The following STK31 variants were observed in gnomAD, a reference collection of about 807,000 sequenced individuals.
The protein encoded by STK31 is serine/threonine-protein kinase 31.
In STK31, 89 loss-of-function variants were observed where a neutral mutation model predicts 129.7. The ratio of observed to expected loss-of-function variants is 0.69; its 90% CI spans 0.58 to 0.82. The LOEUF (loss-of-function observed/expected upper bound fraction) is 0.82, where lower values mean the gene tolerates loss of function less well. Ranked by LOEUF, STK31 falls within the 40% of genes least tolerant of loss-of-function variation. The pLI, the probability that STK31 is intolerant of heterozygous loss-of-function variation, is 0.00. For missense variants in STK31, 1,187 were observed against 1,176.4 expected, an observed-to-expected ratio of 1.01 and a Z score of -0.13; for synonymous variants, 448 against 395.3, an observed-to-expected ratio of 1.13 and a Z score of -1.58.
At chr7:23,734,064 C>T (rs1215734518) in intron 6 of STK31, among the ~76,000 whole-genome samples, 1 of 152,040 alleles carries the variant, frequency 6.6e-6, no homozygotes, top group Non-Finnish European at 1.5e-5. Context: ...TTCCCCACAC[C>T]CCCTATTTCT....
intron 23 of STK31, among the ~76,000 whole-genome samples, chr7:23,829,138 T>G (rs1042555624): frequency 5.3e-5 from 8 of 152,022 alleles, no homozygotes; most frequent in Non-Finnish European, 1.0e-4. Flanking sequence ...CTTGAACTCC[T>G]GACCTCACGT....
At chr7:23,784,536 A>G (rs755392028) in intron 17 of STK31, among the ~76,000 whole-genome samples, 2 of 152,162 alleles carry the variant, frequency 1.3e-5, no homozygotes, top group African/African-American at 2.4e-5. Flanking sequence ...AAATATGCTA[A>G]TCTACTTTAT....
intron 23 of STK31, among the ~76,000 whole-genome samples, chr7:23,825,312 C>A (rs934258520): frequency 1.3e-5 from 2 of 152,170 alleles, no homozygotes; most frequent in Admixed American, 1.3e-4. Context: ...CAACTTCTTC[C>A]TGGCTTAGTC....
intron 23 of STK31, among the ~76,000 whole-genome samples, chr7:23,825,777 C>T (rs1354002833): frequency 6.6e-6 from 1 of 151,922 alleles, no homozygotes; most frequent in East Asian, 1.9e-4. Context: ...TGAATGTGTC[C>T]CAGAGATTCT....
chr7:23,721,155 CATT>C (rs1562546633), intron 4 of STK31, among the ~76,000 whole-genome samples: 1 of 152,168 alleles, frequency 6.6e-6, no homozygotes, highest in Non-Finnish European at 1.5e-5. Context: ...GATTCTTTTA[CATT>C]ATTATTGTTA....
intron 11 of STK31, among the ~76,000 whole-genome samples, chr7:23,764,707 G>C (rs1789700937): frequency 6.6e-6 from 1 of 152,042 alleles, no homozygotes; most frequent in Non-Finnish European, 1.5e-5. Flanking sequence ...ATCTGAAATA[G>C]ATAGGTTTGT....
intron 20 of STK31, among the ~76,000 whole-genome samples, chr7:23,787,219 G>A (rs1791339362): frequency 6.6e-6 from 1 of 152,196 alleles, no homozygotes; most frequent in Non-Finnish European, 1.5e-5. Flanking sequence ...TGTGCTGTAT[G>A]TGAACTGCCT....
At chr7:23,734,985 T>A (rs566727265) in intron 6 of STK31, among the ~76,000 whole-genome samples, 1 of 152,156 alleles carries the variant, frequency 6.6e-6, no homozygotes, top group African/African-American at 2.4e-5. Flanking sequence ...AAAAACAAAG[T>A]TTTGAATATG....
At chr7:23,729,626 T>G (rs141349398) in intron 6 of STK31, among the ~76,000 whole-genome samples, 1 of 151,354 alleles carries the variant, frequency 6.6e-6, no homozygotes, top group Non-Finnish European at 1.5e-5. Context: ...TTCTTCTGCC[T>G]CAGCCTCCCG....
intron 18 of STK31, among the ~76,000 whole-genome samples, chr7:23,786,233 C>T (rs1247171113): frequency 6.6e-6 from 1 of 151,846 alleles, no homozygotes; most frequent in Non-Finnish European, 1.5e-5. Flanking sequence ...TTCTTCTTCT[C>T]ATTGATCTGG....
intron 19 of STK31, 75 bp downstream of exon 19, chr7:23,786,708 G>C: frequency 6.4e-7 from 1 of 1,563,028 alleles, no homozygotes; most frequent in East Asian, 2.3e-5. Context: ...ATAAATTTTA[G>C]CTCCAGGTTT....
At chr7:23,716,790 T>C (rs1300581468) in intron 3 of STK31, among the ~76,000 whole-genome samples, 3 of 139,064 alleles carry the variant, frequency 2.2e-5, no homozygotes, top group Admixed American at 1.6e-4. Flanking sequence ...TATTCTTTTT[T>C]TGAGCACTTT....
intron 8 of STK31, among the ~76,000 whole-genome samples, chr7:23,743,884 G>C (rs1282728881): frequency 1.3e-5 from 2 of 150,830 alleles, no homozygotes; most frequent in Non-Finnish European, 3.0e-5. Flanking sequence ...CTTAAGTTCT[G>C]AAATTCTTTC....
chr7:23,810,566 G>T (rs1489117834), intron 22 of STK31, among the ~76,000 whole-genome samples: 1 of 111,012 alleles, frequency 9.0e-6, no homozygotes, highest in South Asian at 2.6e-4. Flanking sequence ...CCCTTCCTGT[G>T]CATTACTTGA....
chr7:23,829,817 G>A (rs1018952744), intron 23 of STK31, among the ~76,000 whole-genome samples: 2 of 152,140 alleles, frequency 1.3e-5, no homozygotes, highest in East Asian at 1.9e-4. Context: ...ACTTGTTACT[G>A]GTCTGTTCAT....
At chr7:23,830,419 A>G (rs2128134639) in intron 23 of STK31, among the ~76,000 whole-genome samples, 1 of 152,196 alleles carries the variant, frequency 6.6e-6, no homozygotes, top group South Asian at 2.1e-4. Context: ...CTTTTGCTAT[A>G]TCTCATCAGT....
chr7:23,820,630 A>T (rs561875404), intron 23 of STK31, among the ~76,000 whole-genome samples: 1 of 152,058 alleles, frequency 6.6e-6, no homozygotes, highest in African/African-American at 2.4e-5. Flanking sequence ...TCTTCTGTCA[A>T]CCTGGTTGTT....
chr7:23,809,677 C>T lies in STK31; in HGVS notation c.2761-5467C>T, dbSNP rs564229867. 4.6e-5 allele frequency among the ~76,000 whole-genome samples: 7 copies of T among 152,290 alleles called. No individual in the cohort carries two copies. The South Asian group carries it at 6.2e-4, about 14-fold the overall frequency. ...AAAAATCTGCATGTTAGTGGGCCAA[C>T]ACAGTTCAAATCTACATTGTTCAAG... On this transcript the variant is annotated intron_variant, in intron 22 of 23. Coordinates refer to ENST00000355870, the MANE Select transcript of STK31 (RefSeq NM_031414.5).
chr7:23,832,419 A>G lies in STK31; in HGVS notation c.*53A>G. 1.6e-6 allele frequency: 2 copies of G among 1,215,782 alleles called. No homozygotes were observed. Among genetic ancestry groups the G allele is most frequent in the Non-Finnish European group, 2.4e-6 (2 of 849,090 alleles). 75.3% of individuals were successfully genotyped at this position (1,215,782 alleles called of 1,614,324 possible). A position where few individuals can be genotyped will look rare whatever the true frequency, so the allele number is the denominator to read the frequency against. ...CTTTTTAAAAACTTTGGTTTGGTTA[A>G]TACACAGAAATATCTAGAAATGTTC... On this transcript the variant is annotated 3_prime_UTR_variant, in exon 24 of 24. Coordinates refer to ENST00000355870, the MANE Select transcript of STK31 (RefSeq NM_031414.5).
Sources: allele counts gnomAD v4.1 joint callset (sites outside exome capture counted in the v4.1 genomes callset), GRCh38; gene constraint gnomAD v4.1.1; transcripts MANE v1.5; gene names NCBI Gene and HGNC (gene_info 2026-07-23, HGNC 2026-07-21).